The following NCKAP5 variants were observed in gnomAD, a reference collection of about 807,000 sequenced individuals.
NCKAP5 encodes NCK associated protein 5.
In NCKAP5, 92 loss-of-function variants were observed where a neutral mutation model predicts 167.0. The observed-to-expected ratio is 0.55, with a 90% CI of 0.47 to 0.66. NCKAP5 has a LOEUF of 0.66. Among genes scored for constraint, NCKAP5 ranks in the 30% least tolerant of loss-of-function variants. The pLI is 0.00. For missense variants in NCKAP5, 2,378 were observed against 2,315.0 expected, an observed-to-expected ratio of 1.03 and a Z score of -0.56; for synonymous variants, 891 against 877.4, an observed-to-expected ratio of 1.02 and a Z score of -0.27.
rs371146357 is a variant in NCKAP5 at position 132,784,246 on chromosome 2, G to C, written c.2565C>G (p.Pro855=). 1.3e-4 allele frequency: 213 copies of C among 1,603,390 alleles called. 1 individual carries two copies. In the South Asian group the frequency reaches 1.4e-3, roughly 11 times the overall value. The stretch of plus-strand genomic sequence containing the variant: ...GTGGATCTGATCGTAATTCAAAGAG[G>C]GGCCCTGAGCTCTCAGTCTTCATGA... ...SRFMKTESSG[P]LFELRSDPHI... is the part of the protein sequence containing the mutation. The change falls in exon 14 of 20, where the codon CCC becomes CCG. Residue 855 remains proline (P), a synonymous_variant. Transcript: ENST00000409261.
chr2:133,227,192 C>T (rs1044895422), intron 4 of NCKAP5, among the ~76,000 whole-genome samples: 7 of 152,154 alleles, frequency 4.6e-5, no homozygotes, highest in African/African-American at 1.7e-4. Context: ...TAAGGAACTT[C>T]TTCAACATGC....
chr2:133,000,007 A>G (rs1168730095), intron 6 of NCKAP5, among the ~76,000 whole-genome samples: 3 of 152,214 alleles, frequency 2.0e-5, no homozygotes, highest in African/African-American at 7.2e-5. Context: ...ATATTTTAAC[A>G]TGTTTACTTG....
intron 6 of NCKAP5, among the ~76,000 whole-genome samples, chr2:133,048,758 T>C (rs1573865201): frequency 6.6e-6 from 1 of 152,218 alleles, no homozygotes; most frequent in East Asian, 1.9e-4. Flanking sequence ...TTGTTATTAC[T>C]ACTCATTTTT....
At chr2:133,674,438 T>G in the NCKAP5 span, among the ~76,000 whole-genome samples, 1 of 152,190 alleles carries the variant, frequency 6.6e-6, no homozygotes, top group Non-Finnish European at 1.5e-5. Context: ...CATTTAAAAA[T>G]GTACCATCCT....
intron 4 of NCKAP5, among the ~76,000 whole-genome samples, chr2:133,272,349 A>G (rs2089551968): frequency 6.6e-6 from 1 of 152,158 alleles, no homozygotes; most frequent in Non-Finnish European, 1.5e-5. Flanking sequence ...GGAGACATAA[A>G]TCAATAAGCT....
At chr2:133,276,294 A>G (rs2089728431) in intron 4 of NCKAP5, among the ~76,000 whole-genome samples, 1 of 152,106 alleles carries the variant, frequency 6.6e-6, no homozygotes, top group Non-Finnish European at 1.5e-5. Context: ...TTAATAGTTA[A>G]GTTTTTGTGG....
rs894939077 is a variant in NCKAP5 at position 132,737,916 on chromosome 2, A to T, written c.5129-5865T>A. ...GCTCTTATTCTACAGAATGGTAATT[A>T]TACTTCCCAGGCGTCTGACTCTATC... On this transcript the variant is annotated intron_variant, in intron 16 of 19. Transcript: ENST00000409261. 6.6e-5 allele frequency among the ~76,000 whole-genome samples: 10 copies of T among 152,328 alleles called. No individual in the cohort carries two copies. The South Asian group carries it at 1.7e-3, about 25-fold the overall frequency.
intron 8 of NCKAP5, among the ~76,000 whole-genome samples, chr2:132,910,608 T>C (rs1341158146): frequency 1.3e-5 from 2 of 152,222 alleles, no homozygotes; most frequent in Non-Finnish European, 2.9e-5. Context: ...CACATTCTTT[T>C]TCATGGCTGA....
rs141656149 is a variant in NCKAP5 at position 132,813,843 on chromosome 2, T to G, written c.808-17114A>C. Among the ~76,000 whole-genome samples, 214 of 152,306 alleles carry G rather than the reference T, an allele frequency of 1.4e-3. 1 individual carries two copies. The highest frequency in any genetic ancestry group is 4.9e-3 in the African/African-American group (203 of 41,554). ...TTCCTTACATTATTAAAGGAAAGAT[T>G]AGAACAAATGAAATTCAGAGTTTGA... On this transcript the variant is annotated intron_variant, in intron 11 of 19. Coordinates refer to ENST00000409261, the MANE Select transcript of NCKAP5 (RefSeq NM_207363.3).
chr2:133,052,455 C>T (rs566106872), intron 6 of NCKAP5, among the ~76,000 whole-genome samples: 2 of 152,238 alleles, frequency 1.3e-5, no homozygotes, highest in East Asian at 1.9e-4. Flanking sequence ...CGGTGGCTCA[C>T]GCCTGTAATT....
At chr2:133,599,441 A>G in the NCKAP5 span, among the ~76,000 whole-genome samples, 1 of 152,322 alleles carries the variant, frequency 6.6e-6, no homozygotes, top group South Asian at 2.1e-4. Context: ...AAGGAAGTGC[A>G]ATGCCCACAT....
intron 4 of NCKAP5, 136 bp from the exon 5 acceptor site, chr2:133,213,915 T>C: frequency 4.1e-6 from 3 of 731,072 alleles, no homozygotes; most frequent in Non-Finnish European, 6.9e-6. Context: ...CTATACTTTC[T>C]ATAAATATTT....
chr2:133,492,337 A>G (rs779197136), intron 3 of NCKAP5, among the ~76,000 whole-genome samples: 13 of 152,202 alleles, frequency 8.5e-5, no homozygotes, highest in Non-Finnish European at 1.5e-4. Flanking sequence ...ACCTTACAGT[A>G]TAGTTGTAAA....
intron 3 of NCKAP5, among the ~76,000 whole-genome samples, chr2:133,362,287 A>G (rs570372259): frequency 5.0e-4 from 76 of 152,296 alleles, no homozygotes; most frequent in Middle Eastern, 3.4e-3. Context: ...AAGTGAGGAG[A>G]TCCCAAGGGA....
intron 11 of NCKAP5, among the ~76,000 whole-genome samples, chr2:132,816,595 C>T (rs1326961435): frequency 6.6e-6 from 1 of 152,124 alleles, no homozygotes; most frequent in Non-Finnish European, 1.5e-5. Context: ...TGATGGTGAG[C>T]AGAGCTAGTG....
At chr2:133,640,280 G>T in the NCKAP5 span, among the ~76,000 whole-genome samples, 1 of 152,148 alleles carries the variant, frequency 6.6e-6, no homozygotes, top group African/African-American at 2.4e-5. Context: ...TGTTTTAAAT[G>T]AATGGATATG....
intron 7 of NCKAP5, among the ~76,000 whole-genome samples, chr2:132,975,043 C>T (rs1250801668): frequency 6.6e-6 from 1 of 152,166 alleles, no homozygotes; most frequent in Non-Finnish European, 1.5e-5. Flanking sequence ...GATAGCACTT[C>T]AGCAAATACC....
chr2:133,269,115 A>G (rs1008707516), intron 4 of NCKAP5: 1 of 152,198 alleles, frequency 6.6e-6, no homozygotes, highest in Non-Finnish European at 1.5e-5. Flanking sequence ...CTAAATTGAC[A>G]GGCCCACCTC....
intron 6 of NCKAP5, among the ~76,000 whole-genome samples, chr2:133,010,319 G>A (rs563691457): frequency 6.6e-6 from 1 of 152,222 alleles, no homozygotes; most frequent in Admixed American, 6.5e-5. Context: ...TGGTATACAT[G>A]CTGGCATTTT....
Sources: gnomAD v4.1 joint callset for allele counts (sites outside exome capture counted in the v4.1 genomes callset) on GRCh38, gnomAD v4.1.1 for gene constraint, MANE v1.5 for transcripts, NCBI Gene and HGNC (gene_info 2026-07-23, HGNC 2026-07-21) for gene names.